USP34: variants seen among roughly 807,000 people sequenced by gnomAD.
USP34 encodes the protein ubiquitin specific peptidase 34.
Under a neutral mutation model 460.3 loss-of-function variants are expected in USP34, and 70 were observed. The ratio of observed to expected loss-of-function variants is 0.15; its 90% CI spans 0.13 to 0.19. USP34 has a LOEUF of 0.19. Ranked by LOEUF, USP34 falls within the 10% of genes least tolerant of loss-of-function variation. The pLI is 1.00. For synonymous variants in USP34, 1,647 were observed against 1,405.3 expected (o/e 1.17, Z -3.85); for missense variants, 3,985 against 4,236.2 (o/e 0.94, Z 1.65).
chr2:61,443,558 G>A (rs1223764338), intron 1 of USP34, among the ~76,000 whole-genome samples: 1 of 151,264 alleles, frequency 6.6e-6, no homozygotes, highest in Non-Finnish European at 1.5e-5. Flanking sequence ...ATTACTAAAT[G>A]AAAGAAACCA....
chr2:61,455,643 T>C (rs1208422623), intron 1 of USP34, among the ~76,000 whole-genome samples: 1 of 152,110 alleles, frequency 6.6e-6, no homozygotes, highest in Non-Finnish European at 1.5e-5. Flanking sequence ...GTAGACCAAC[T>C]TAAATTATAT....
At chr2:61,457,214 T>A (rs568238770) in intron 1 of USP34, among the ~76,000 whole-genome samples, 1 of 152,238 alleles carries the variant, frequency 6.6e-6, no homozygotes, top group African/African-American at 2.4e-5. Flanking sequence ...AGGTCAAGAC[T>A]ACAGTGAGCC....
chr2:61,422,559 T>C (rs1282581275), intron 1 of USP34, among the ~76,000 whole-genome samples: 2 of 152,216 alleles, frequency 1.3e-5, no homozygotes, highest in African/African-American at 4.8e-5. Context: ...CCTCTAAGAT[T>C]AGGACCAAGA....
intron 5 of USP34, 113 bp downstream of exon 5, chr2:61,394,740 A>G: frequency 3.7e-6 from 3 of 812,492 alleles, no homozygotes; most frequent in Non-Finnish European, 5.2e-6. Flanking sequence ...CAAAATAAAA[A>G]AAAATTACAC....
intron 69 of USP34, among the ~76,000 whole-genome samples, chr2:61,211,430 T>C (rs911014375): frequency 6.6e-6 from 1 of 152,114 alleles, no homozygotes; most frequent in African/African-American, 2.4e-5. Context: ...ATGCAAAATA[T>C]TAACAGACTC....
At chr2:61,450,521 G>C (rs1039447804) in intron 1 of USP34, among the ~76,000 whole-genome samples, 1 of 152,076 alleles carries the variant, frequency 6.6e-6, no homozygotes, top group African/African-American at 2.4e-5. Context: ...ATAAAGTATG[G>C]GAGGCTGAGG....
At chr2:61,365,858 A>G (rs1692420717) in intron 10 of USP34, among the ~76,000 whole-genome samples, 1 of 152,202 alleles carries the variant, frequency 6.6e-6, no homozygotes, top group Admixed American at 6.5e-5. Context: ...CTTTATAATA[A>G]AAAGAACAAA....
At position 61,204,541 on chromosome 2, in the gene USP34, A is replaced by G. The variant is rs1687062255; in HGVS notation, c.9215T>C (p.Phe3072Ser). Residue 3072 changes from phenylalanine (F) to serine (S), a missense_variant, in exon 73 of 80, where the codon TTT becomes TCT. Phe to Ser is a radical substitution (Grantham distance 155, BLOSUM62 -2). Transcript: ENST00000398571. ...GTAAGTACAATGGTTGTGTTGTAGAAAGGGAACCAGAGTATGAAGAAAATC... is the reference window on the plus strand; with the variant it reads ...GTAAGTACAATGGTTGTGTTGTAGAGAGGGAACCAGAGTATGAAGAAAATC... ...PHDFLHTLVPFLQHNHCTYHH... is the reference protein window; with the variant it reads ...PHDFLHTLVPSLQHNHCTYHH... The G allele has an allele frequency of 6.2e-6, 10 of 1,614,170 alleles. No individual in the cohort carries two copies. The highest frequency in any genetic ancestry group is 7.6e-6 in the Non-Finnish European group (9 of 1,180,000).
intron 5 of USP34, 119 bp downstream of exon 5, chr2:61,394,734 A>T: frequency 1.3e-6 from 1 of 751,540 alleles, no homozygotes; most frequent in Non-Finnish European, 1.9e-6. Flanking sequence ...TTTTGTCAAA[A>T]TAAAAAAAAA....
intron 53 of USP34, among the ~76,000 whole-genome samples, chr2:61,240,273 T>C (rs1010692064): frequency 6.6e-6 from 1 of 152,108 alleles, no homozygotes; most frequent in Non-Finnish European, 1.5e-5. Context: ...ATGAACACAT[T>C]TGTATTCCTT....
chr2:61,469,708 A>C (rs924049052), intron 1 of USP34, among the ~76,000 whole-genome samples: 4 of 152,222 alleles, frequency 2.6e-5, no homozygotes, highest in Non-Finnish European at 5.9e-5. Flanking sequence ...ACCCACATAA[A>C]CTGTTCATAA....
chr2:61,207,760 CACCT>C (rs1687161728), intron 70 of USP34: 2 of 152,240 alleles, frequency 1.3e-5, no homozygotes, highest in Non-Finnish European at 2.9e-5. Context: ...TACTCCTCTT[CACCT>C]ACCTTTTTTT....
rs139934008 is a variant in USP34 at position 61,431,869 on chromosome 2, A to C, written c.44-11036T>G. 7.0e-3 allele frequency among the ~76,000 whole-genome samples: 1,063 copies of C among 152,212 alleles called. 15 individuals are homozygous for C. Among genetic ancestry groups the C allele is most frequent in the African/African-American group, 0.024 (995 of 41,542 alleles). On this transcript the variant is annotated intron_variant, in intron 1 of 79. Transcript: ENST00000398571. ...GACTCCATCTCAAAAAAATAAATAA[A>C]TAAAAGATAAATAAATAGCAGAGAG...
chr2:61,346,527 T>TA (rs926076478), intron 15 of USP34, among the ~76,000 whole-genome samples: 637 of 44,266 alleles, frequency 0.014, 28 homozygotes, highest in African/African-American at 0.025. Context: ...CCCTATCTCT[T>TA]AAAAAAAAAA....
chr2:61,419,357 TAA>T (rs765096156), intron 2 of USP34, among the ~76,000 whole-genome samples: 1 of 152,064 alleles, frequency 6.6e-6, no homozygotes, highest in Non-Finnish European at 1.5e-5. Context: ...CAACATGAGA[TAA>T]ACCACAGGCT....
At chr2:61,428,921 C>G (rs967968) in intron 1 of USP34, among the ~76,000 whole-genome samples, 79,762 of 152,072 alleles carry the variant, frequency 0.52, 21,245 homozygotes, top group East Asian at 0.73. Flanking sequence ...AATTAGTCCA[C>G]ACAGGTAGCC....
At position 61,245,258 on chromosome 2, in the gene USP34, A is replaced by C. The variant is rs765544036; in HGVS notation, c.6579T>G (p.Pro2193=). 6.2e-7 allele frequency: 1 copy of C among 1,609,706 alleles called. No homozygotes were observed. Among genetic ancestry groups the C allele is most frequent in the Admixed American group, 1.7e-5 (1 of 59,652 alleles). The change falls in exon 51 of 80, where the codon CCT becomes CCG. Residue 2193 remains proline (P), a synonymous_variant. Coordinates refer to ENST00000398571, the MANE Select transcript of USP34 (RefSeq NM_014709.4). ...CAGATGCAAGTTGAGCAGAATCAAA[A>C]GGTTTTACCTCAGCATCATTAAAAA... ...WYLFNDAEVK[P]FDSAQLASEC... is the part of the protein sequence containing the mutation.
intron 57 of USP34, among the ~76,000 whole-genome samples, chr2:61,234,241 C>T (rs1201100036): frequency 6.6e-6 from 1 of 152,182 alleles, no homozygotes; most frequent in Non-Finnish European, 1.5e-5. Context: ...TCTAAATATG[C>T]AAAAAACCTT....
chr2:61,332,523 C>A (rs10194835), intron 19 of USP34, among the ~76,000 whole-genome samples: 2,028 of 152,028 alleles, frequency 0.013, 59 homozygotes, highest in African/African-American at 0.046. Context: ...AGAGACTGCC[C>A]CTTCTATACA....
Sources: allele counts gnomAD v4.1 joint callset (sites outside exome capture counted in the v4.1 genomes callset), GRCh38; gene constraint gnomAD v4.1.1; transcripts MANE v1.5; gene names NCBI Gene and HGNC (gene_info 2026-07-23, HGNC 2026-07-21).